MSL3: variants seen among roughly 807,000 people sequenced by gnomAD.
The protein encoded by MSL3 is MSL3-like 1.
Under a neutral mutation model 37.2 loss-of-function variants are expected in MSL3, and 5 were observed. The observed-to-expected ratio is 0.13, with a 90% CI of 0.07 to 0.28. MSL3 has a LOEUF of 0.28. Among genes scored for constraint, MSL3 ranks in the 10% least tolerant of loss-of-function variants. The pLI, the probability that MSL3 is intolerant of heterozygous loss-of-function variation, is 1.00. For synonymous variants in MSL3, 149 were observed against 147.6 expected (o/e 1.01, Z -0.07); for missense variants, 315 against 408.5 (o/e 0.77, Z 1.97).
chrX:11,765,570 C>T lies in MSL3; in HGVS notation c.1012C>T (p.Arg338Cys), dbSNP rs1275511560. ...TTGEPATPKR[R>C]KAEPEALQSL... ...CGGTGAACCAGCCACCCCCAAAAGGCGCAAAGCTGAGCCAGAAGCATTGCA... is the reference window on the plus strand; with the variant it reads ...CGGTGAACCAGCCACCCCCAAAAGGTGCAAAGCTGAGCCAGAAGCATTGCA... The change falls in exon 9 of 13, where the codon CGC becomes TGC. Residue 338 changes from arginine to cysteine, a missense_variant. Coordinates refer to ENST00000312196, the MANE Select transcript of MSL3 (RefSeq NM_078629.4). 4 of 1,211,125 alleles carry T rather than the reference C, an allele frequency of 3.3e-6. No homozygotes were observed. The highest frequency in any genetic ancestry group is 3.0e-5 in the East Asian group (1 of 33,829).
chrX:11,772,191 C>G lies in MSL3; in HGVS notation c.1317C>G (p.Pro439=), dbSNP rs772452834. The part of the protein sequence containing the change: ...LSWKLVPDNY[P]PGDQPPPPSY... ...GGAAGCTTGTGCCTGACAATTACCCCCCAGGTGACCAGCCGCCTCCACCCT... is the reference window on the plus strand; with the variant it reads ...GGAAGCTTGTGCCTGACAATTACCCGCCAGGTGACCAGCCGCCTCCACCCT... Residue 439 remains proline, a synonymous_variant, in exon 11 of 13, where the codon CCC becomes CCG. Transcript: ENST00000312196. 1.7e-6 allele frequency: 2 copies of G among 1,208,425 alleles called. No homozygotes were observed. Among genetic ancestry groups the G allele is most frequent in the African/African-American group, 1.8e-5 (1 of 56,877 alleles).
At chrX:11,759,539 T>C in intron 1 of MSL3, 2 of 931,135 alleles carry the variant, frequency 2.1e-6, no homozygotes, top group African/African-American at 2.0e-5. Context: ...ACAAATCGGC[T>C]GGCCAATGGC....
At chrX:11,763,057 T>G (rs757103948) in intron 7 of MSL3, 60 bp downstream of exon 7, 2 of 963,926 alleles carry the variant, frequency 2.1e-6, no homozygotes, top group Admixed American at 3.3e-5. Flanking sequence ...GTGGCTTCCA[T>G]TTAGAACAGG....
At position 11,760,862 on chromosome X, in the gene MSL3, C is replaced by T. The variant is rs191141351; in HGVS notation, c.307C>T (p.Arg103Cys). ...GAGGAGCACAGGAAGAAAGAAGAAG[C>T]GCTGCAGGTTGCCTGGTGTGGACTC... Reference protein sequence around the residue: ...RLRSTGRKKKRCRLPGVDSVL... With the variant: ...RLRSTGRKKKCCRLPGVDSVL... The change falls in exon 4 of 13, where the codon CGC becomes TGC. Residue 103 changes from arginine to cysteine, a missense_variant. Coordinates refer to ENST00000312196, the MANE Select transcript of MSL3 (RefSeq NM_078629.4). The T allele has an allele frequency of 2.8e-5, 33 of 1,197,428 alleles. No homozygotes were observed. Among genetic ancestry groups the T allele is most frequent in the Non-Finnish European group, 3.2e-5 (28 of 888,694 alleles).
At chrX:11,759,705 A>G in intron 1 of MSL3, 88 bp from the exon 2 acceptor site, 1 of 1,178,140 alleles carries the variant, frequency 8.5e-7, no homozygotes, top group Non-Finnish European at 1.1e-6. Context: ...TGCTTTCTTT[A>G]AAAAAGGGTC....
chrX:11,775,086 G>A lies in MSL3; in HGVS notation c.*7G>A, dbSNP rs1774130433. On this transcript the variant is annotated 3_prime_UTR_variant, in exon 13 of 13. Coordinates refer to ENST00000312196, the MANE Select transcript of MSL3 (RefSeq NM_078629.4). ...CCCCCGGGCAATTTATTAAAATGTT[G>A]TTGGTTCTGTAAGAGCAACTGCTCT... 1.7e-6 allele frequency: 2 copies of A among 1,170,474 alleles called. No homozygotes were observed. Among genetic ancestry groups the A allele is most frequent in the Admixed American group, 2.2e-5 (1 of 45,255 alleles).
At chrX:11,767,851 A>G (rs1445229675) in intron 9 of MSL3, 3 of 744,653 alleles carry the variant, frequency 4.0e-6, no homozygotes, top group Non-Finnish European at 4.7e-6. Flanking sequence ...ATATAAATGG[A>G]ATCATCTGTA....
intron 9 of MSL3, chrX:11,766,925 A>G (rs1431000112): frequency 2.7e-6 from 2 of 753,030 alleles, no homozygotes; most frequent in African/African-American, 4.6e-5. Context: ...CAGTAGGTGT[A>G]TCTTGTGTAT....
At chrX:11,765,304 C>T (rs748850634) in intron 8 of MSL3, among the ~76,000 whole-genome samples, 163 bp from the exon 9 acceptor site, 1 of 112,134 alleles carries the variant, frequency 8.9e-6, no homozygotes, top group Non-Finnish European at 1.9e-5. Context: ...GCATCACAAT[C>T]TTTAATGCCA....
At position 11,775,142 on chromosome X, in the gene MSL3, A is replaced by G; in HGVS notation, c.*63A>G. On this transcript the variant is annotated 3_prime_UTR_variant, in exon 13 of 13. Transcript: ENST00000312196. ...GTTTGGCGCTCTGGGTTCCAGGTGA[A>G]TAACTAACAAGGTGGTGGGTCTTTA... 1 of 844,613 alleles carries G rather than the reference A, an allele frequency of 1.2e-6. No individual in the cohort carries two copies. The highest frequency in any genetic ancestry group is 1.8e-6 in the Non-Finnish European group (1 of 569,239). 69.6% of individuals were successfully genotyped at this position (844,613 alleles called of 1,213,427 possible). A position where few individuals can be genotyped will look rare whatever the true frequency, so the allele number is the denominator to read the frequency against.
Position 11,762,193 on chromosome X carries a change from C to T in MSL3, c.529C>T (p.Pro177Ser). ...MEERTITIEIPEVLKKQLEDD... is the reference protein window; with the variant it reads ...MEERTITIEISEVLKKQLEDD... ...AGAAAGAACAATAACTATAGAAATC[C>T]CTGAAGTTCTGAAGAAGCAGCTGGA... Residue 177 changes from proline (P) to serine (S), a missense_variant, in exon 6 of 13, where the codon CCT (proline) becomes TCT (serine). Pro to Ser is a moderately conservative substitution (Grantham distance 74). Transcript: ENST00000312196. 1 of 1,163,956 alleles carries T rather than the reference C, an allele frequency of 8.6e-7. No homozygotes were observed. Among genetic ancestry groups the T allele is most frequent in the Non-Finnish European group, 1.2e-6 (1 of 869,342 alleles).
intron 10 of MSL3, among the ~76,000 whole-genome samples, chrX:11,771,805 TC>T (rs1386442048): frequency 1.8e-5 from 2 of 111,673 alleles, no homozygotes; most frequent in African/African-American, 6.5e-5. Flanking sequence ...GGTCTCAAGC[TC>T]CCGACCGCAG....
At position 11,775,089 on chromosome X, in the gene MSL3, G is replaced by T. The variant is rs1373284926; in HGVS notation, c.*10G>T. On this transcript the variant is annotated 3_prime_UTR_variant, in exon 13 of 13. Transcript: ENST00000312196. ...CCGGGCAATTTATTAAAATGTTGTT[G>T]GTTCTGTAAGAGCAACTGCTCTGTC... The T allele has an allele frequency of 2.6e-6, 3 of 1,153,108 alleles. No homozygotes were observed. The highest frequency in any genetic ancestry group is 3.5e-6 in the Non-Finnish European group (3 of 845,141).
chrX:11,766,189 T>A, intron 9 of MSL3: 1 of 782,609 alleles, frequency 1.3e-6, no homozygotes, highest in Non-Finnish European at 1.5e-6. Context: ...TAAGCTCTTC[T>A]CACCTCCTCT....
chrX:11,774,223 T>C (rs958320129), intron 12 of MSL3, among the ~76,000 whole-genome samples: 1 of 112,902 alleles, frequency 8.9e-6, no homozygotes, highest in African/African-American at 3.2e-5. Flanking sequence ...CCATTACTAG[T>C]TGTTCTGTTC....
intron 12 of MSL3, among the ~76,000 whole-genome samples, chrX:11,774,219 C>G (rs1035369298): frequency 1.8e-5 from 2 of 112,632 alleles, no homozygotes; most frequent in African/African-American, 6.5e-5. Flanking sequence ...AATGCCATTA[C>G]TAGTTGTTCT....
rs779332539 is a variant in MSL3, at chrX:11,760,303, TA to T, written c.186-95del. 7 of 547,921 alleles carry T rather than the reference TA, an allele frequency of 1.3e-5. No homozygotes were observed. The South Asian group carries it at 2.8e-4, about 22-fold the overall frequency. 45.2% of individuals were successfully genotyped at this position (547,921 alleles called of 1,213,427 possible). On this transcript the variant is annotated intron_variant, in intron 2 of 12. Transcript: ENST00000312196. ...ATTTTAAAATATTTAAATCGTTTTCTAAAAATGTAATTCTGGGGCATTTCTA... is the reference window on the plus strand; with the variant it reads ...ATTTTAAAATATTTAAATCGTTTTCTAAAATGTAATTCTGGGGCATTTCTA...
chrX:11,763,495 C>CTG (rs1312751376), intron 7 of MSL3, among the ~76,000 whole-genome samples: 1 of 112,798 alleles, frequency 8.9e-6, no homozygotes, highest in African/African-American at 3.2e-5. Flanking sequence ...GTGTGTCCAC[C>CTG]TGTCCACTTT....
At chrX:11,760,999 T>C in intron 4 of MSL3, 62 bp downstream of exon 4, 1 of 808,963 alleles carries the variant, frequency 1.2e-6, no homozygotes, top group Non-Finnish European at 1.8e-6. Flanking sequence ...GAGAGAAGGA[T>C]TCACTGAAAT....
Sources: gnomAD v4.1 joint callset for allele counts (sites outside exome capture counted in the v4.1 genomes callset) on GRCh38, gnomAD v4.1.1 for gene constraint, MANE v1.5 for transcripts, NCBI Gene and HGNC (gene_info 2026-07-23, HGNC 2026-07-21) for gene names.